Variants in COL4A2 observed in about 807,000 individuals in gnomAD.
COL4A2 encodes collagen alpha-2(IV) chain.
COL4A2 carries 99 observed loss-of-function variants against 200.2 expected under a neutral mutation model. The observed-to-expected ratio is 0.49, with a 90% CI of 0.42 to 0.58. COL4A2 has a LOEUF of 0.58. Ranked by LOEUF, COL4A2 falls within the 20% of genes least tolerant of loss-of-function variation. COL4A2 has a pLI of 0.00. For synonymous variants in COL4A2, 897 were observed against 900.6 expected (o/e 1.00, Z 0.07); for missense variants, 1,950 against 2,314.1 (o/e 0.84, Z 3.23).
At chr13:110,355,351 T>G (rs1877156519) in intron 3 of COL4A2, among the ~76,000 whole-genome samples, 1 of 126,676 alleles carries the variant, frequency 7.9e-6, no homozygotes, top group Admixed American at 7.7e-5. Context: ...CTCACCTGTG[T>G]GTGTGGGGGA....
chr13:110,479,039 G>A (rs1297105658), intron 30 of COL4A2, among the ~76,000 whole-genome samples: 3 of 152,194 alleles, frequency 2.0e-5, no homozygotes, highest in Non-Finnish European at 4.4e-5. Context: ...AAGAGCTGGG[G>A]GCTGGACTCA....
At chr13:110,449,527 A>G (rs947871240) in intron 18 of COL4A2, 152 bp from the exon 19 acceptor site, 2 of 653,874 alleles carry the variant, frequency 3.1e-6, no homozygotes, top group African/African-American at 1.9e-5. Flanking sequence ...AAAAAGAGAG[A>G]CCACCCCATG....
At chr13:110,352,813 C>A (rs1461404366) in intron 3 of COL4A2, among the ~76,000 whole-genome samples, 3 of 152,144 alleles carry the variant, frequency 2.0e-5, no homozygotes, top group Non-Finnish European at 4.4e-5. Flanking sequence ...TAAAACTGGT[C>A]CCGCCAGGCC....
At chr13:110,314,799 G>C (rs1346445617) in intron 3 of COL4A2, among the ~76,000 whole-genome samples, 2 of 152,216 alleles carry the variant, frequency 1.3e-5, no homozygotes, top group Non-Finnish European at 2.9e-5. Context: ...CAGAATGGGA[G>C]CCCCCTTCCC....
At chr13:110,499,160 G>A (rs1883557208) in intron 40 of COL4A2, among the ~76,000 whole-genome samples, 1 of 152,216 alleles carries the variant, frequency 6.6e-6, no homozygotes, top group Non-Finnish European at 1.5e-5. Flanking sequence ...ATTTGAATCC[G>A]TCATCTTCCT....
Position 110,307,817 on chromosome 13 carries a change from C to T in COL4A2, c.-44-43C>T, listed in dbSNP as rs76536922. On this transcript the variant is annotated intron_variant, in intron 1 of 47. Coordinates refer to ENST00000360467, the MANE Select transcript of COL4A2 (RefSeq NM_001846.4). This position sits in a 1 kb window ranked among gnomAD's most constrained non-coding sequence, Gnocchi z 5.0. ...GAGACCGGCGGTGAGGATGGGCTGC[C>T]TCCCTCATCCTGCGCTAAACTCGCT... The T allele has an allele frequency of 0.061, 91,178 of 1,489,710 alleles. 3,060 individuals carry two copies. Among genetic ancestry groups the T allele is most frequent in the Middle Eastern group, 0.09 (376 of 4,190 alleles). The allele number at this position is 1,489,710 out of a possible 1,614,324, so 92.3% of individuals were successfully genotyped here.
At chr13:110,480,127 TTCTTAC>T (rs1486433836) in intron 30 of COL4A2, 87 bp from the exon 31 acceptor site, 6 of 1,352,344 alleles carry the variant, frequency 4.4e-6, no homozygotes, top group Non-Finnish European at 6.0e-6. Context: ...TAAGGAGCTT[TTCTTAC>T]TGAACACTCA....
intron 3 of COL4A2, among the ~76,000 whole-genome samples, chr13:110,341,919 C>A (rs1402969380): frequency 6.6e-6 from 1 of 152,186 alleles, no homozygotes. Context: ...TGTTTATAAT[C>A]TCAGCATGTT....
intron 32 of COL4A2, among the ~76,000 whole-genome samples, chr13:110,483,528 A>G (rs923140165): frequency 2.6e-5 from 4 of 152,254 alleles, no homozygotes; most frequent in Admixed American, 6.5e-5. Flanking sequence ...TGAGTAAAAT[A>G]TGGCAGAGCT....
chr13:110,476,075 G>A (rs1294543777), intron 29 of COL4A2, among the ~76,000 whole-genome samples: 2 of 152,198 alleles, frequency 1.3e-5, no homozygotes, highest in Non-Finnish European at 2.9e-5. Context: ...CTCCAGCCCT[G>A]CTGCCCCCTG....
At chr13:110,424,687 A>G (rs924955807) in intron 4 of COL4A2, 47 bp from the exon 5 acceptor site, 2 of 1,338,436 alleles carry the variant, frequency 1.5e-6, no homozygotes, top group African/African-American at 1.5e-5. Context: ...GATCATGAGT[A>G]TGTATTGTGA....
At chr13:110,317,537 A>G (rs1408312397) in intron 3 of COL4A2, among the ~76,000 whole-genome samples, 1 of 151,294 alleles carries the variant, frequency 6.6e-6, no homozygotes, top group Non-Finnish European at 1.5e-5. Context: ...GGCTGGACAG[A>G]GGCGGGAGGG....
At chr13:110,385,956 ACAGCGTGTGGATG>A (rs1260479157) in intron 4 of COL4A2, among the ~76,000 whole-genome samples, 3 of 111,306 alleles carry the variant, frequency 2.7e-5, no homozygotes, top group Non-Finnish European at 5.6e-5. Flanking sequence ...GGCCGTGGTC[ACAGCGTGTGGATG>A]GGCCGTGGTC....
At chr13:110,503,795 G>A in intron 43 of COL4A2, 52 bp from the exon 44 acceptor site, 1 of 1,608,408 alleles carries the variant, frequency 6.2e-7, no homozygotes, top group Non-Finnish European at 8.5e-7. Flanking sequence ...CTCGGAGCAA[G>A]AGAGTGGAAC....
At chr13:110,402,885 C>T (rs1879424865) in intron 4 of COL4A2, among the ~76,000 whole-genome samples, 1 of 152,210 alleles carries the variant, frequency 6.6e-6, no homozygotes. Flanking sequence ...GCAGAGTTGG[C>T]ACCACGTGGA....
chr13:110,463,296 G>C (rs1424926067), intron 24 of COL4A2: 1 of 152,126 alleles, frequency 6.6e-6, no homozygotes, highest in Non-Finnish European at 1.5e-5. Flanking sequence ...CTGTCTCTGG[G>C]CCCAAATTTC....
intron 5 of COL4A2, 42 bp from the exon 6 acceptor site, chr13:110,424,911 G>A (rs533541153): frequency 9.3e-6 from 15 of 1,614,184 alleles, no homozygotes; most frequent in East Asian, 6.7e-5. Context: ...TGAGGGTGGC[G>A]GGTATCTCAG....
chr13:110,452,442 A>G (rs59597143), intron 20 of COL4A2, among the ~76,000 whole-genome samples: 18,638 of 152,288 alleles, frequency 0.12, 1,367 homozygotes, highest in East Asian at 0.24. Flanking sequence ...GATTACAGGC[A>G]TGAGCCAACG....
At chr13:110,428,847 G>A (rs988849043) in intron 7 of COL4A2, among the ~76,000 whole-genome samples, 4 of 152,298 alleles carry the variant, frequency 2.6e-5, no homozygotes, top group African/African-American at 4.8e-5. Flanking sequence ...ATTCTCATGC[G>A]TAATAGTGGA....
Sources: allele counts gnomAD v4.1 joint callset (sites outside exome capture counted in the v4.1 genomes callset), GRCh38; gene constraint gnomAD v4.1.1; non-coding constraint Gnocchi (gnomAD v3.1); transcripts MANE v1.5; gene names NCBI Gene and HGNC (gene_info 2026-07-23, HGNC 2026-07-21).